ZNF385D: variants seen among roughly 807,000 people sequenced by gnomAD.
ZNF385D encodes zinc finger protein 385D, also known as zinc finger protein 659.
In ZNF385D, 15 loss-of-function variants were observed where a neutral mutation model predicts 35.8. The ratio of observed to expected loss-of-function variants is 0.42; its 90% CI spans 0.28 to 0.64. The LOEUF is 0.64. Among genes scored for constraint, ZNF385D ranks in the 30% least tolerant of loss-of-function variants. The probability of loss-of-function intolerance (pLI) is 0.23; values close to 1 mark genes in which losing one functional copy is unlikely to be tolerated. For missense variants in ZNF385D, 474 were observed against 494.6 expected, an observed-to-expected ratio of 0.96 and a Z score of 0.39; for synonymous variants, 212 against 186.8, an observed-to-expected ratio of 1.13 and a Z score of -1.10.
intron 3 of ZNF385D, among the ~76,000 whole-genome samples, chr3:21,943,534 T>C (rs552334741): frequency 6.6e-6 from 1 of 151,872 alleles, no homozygotes; most frequent in African/African-American, 2.4e-5. Flanking sequence ...GGGAAATTAG[T>C]TCATATGATA....
rs185101078 is a variant in ZNF385D, at chr3:22,214,034, C to A, written c.107-44999G>T. ...GTTCTGTGGGTCACAGTAACCCTGTCTTAGACAATGCTATGTGTTGCTGGA... is the reference window on the plus strand; with the variant it reads ...GTTCTGTGGGTCACAGTAACCCTGTATTAGACAATGCTATGTGTTGCTGGA... On this transcript the variant is annotated intron_variant, in intron 2 of 5. Transcript: ENST00000494108. Among the ~76,000 whole-genome samples the A allele has an allele frequency of 5.0e-4, 76 of 152,108 alleles. No homozygotes were observed. The East Asian group carries it at 0.012, about 24-fold the overall frequency.
intron 3 of ZNF385D, among the ~76,000 whole-genome samples, chr3:21,952,922 C>T (rs1464402226): frequency 6.6e-6 from 1 of 152,002 alleles, no homozygotes; most frequent in Non-Finnish European, 1.5e-5. Flanking sequence ...GGTCTATAAA[C>T]TCATTTCTCA....
chr3:21,674,743 C>T (rs9860048), intron 1 of ZNF385D, among the ~76,000 whole-genome samples: 31,177 of 152,022 alleles, frequency 0.21, 3,435 homozygotes, highest in East Asian at 0.29. Context: ...AGGCTTCCTT[C>T]TAGCCAACAT....
At chr3:21,806,598 T>C (rs2072661010) in intron 3 of ZNF385D, among the ~76,000 whole-genome samples, 1 of 152,204 alleles carries the variant, frequency 6.6e-6, no homozygotes, top group Admixed American at 6.5e-5. Context: ...AGAATGTCAT[T>C]CTAGAACTTC....
At chr3:21,684,386 CTCTCTCTCTCTCTCTCTCCT>C (rs1559516571) in intron 1 of ZNF385D, among the ~76,000 whole-genome samples, 3 of 86,784 alleles carry the variant, frequency 3.5e-5, no homozygotes, top group African/African-American at 1.6e-4. Context: ...CTCTCTCTCT[CTCTCTCTCTCTCTCTCTCCT>C]CTCTCTCTCT....
chr3:21,751,236 A>ACCCCCCC, upstream of ZNF385D: 1 of 1,106,934 alleles, frequency 9.0e-7, no homozygotes, highest in Non-Finnish European at 1.1e-6. Context: ...AGACCCCTCC[A>ACCCCCCC]CCCCACCCCA....
At chr3:21,464,593 G>C (rs1219231773) in intron 4 of ZNF385D, among the ~76,000 whole-genome samples, 1 of 152,038 alleles carries the variant, frequency 6.6e-6, no homozygotes, top group Non-Finnish European at 1.5e-5. Context: ...TTACGCTCTA[G>C]AATTGCAGTT....
At chr3:22,344,910 T>C (rs1369418865) in intron 2 of ZNF385D, among the ~76,000 whole-genome samples, 1 of 152,232 alleles carries the variant, frequency 6.6e-6, no homozygotes, top group Non-Finnish European at 1.5e-5. Flanking sequence ...GGGAAGATTT[T>C]GAAGAATGTA....
chr3:21,575,081 G>C (rs1294030784), intron 2 of ZNF385D, among the ~76,000 whole-genome samples: 2 of 152,128 alleles, frequency 1.3e-5, no homozygotes, highest in African/African-American at 4.8e-5. Context: ...ATGGATTTCT[G>C]TTATAAAATT....
intron 2 of ZNF385D, among the ~76,000 whole-genome samples, chr3:22,299,730 G>A (rs1217316547): frequency 6.6e-6 from 1 of 151,672 alleles, no homozygotes; most frequent in African/African-American, 2.4e-5. Flanking sequence ...ATAAAAAATA[G>A]TAAAATTCTT....
chr3:22,253,268 GAA>G (rs1700152605), intron 2 of ZNF385D, among the ~76,000 whole-genome samples: 1 of 151,862 alleles, frequency 6.6e-6, no homozygotes, highest in African/African-American at 2.4e-5. Context: ...GGTAGGATGG[GAA>G]AAAGTTAGGA....
At chr3:22,340,447 A>G (rs776095448) in intron 2 of ZNF385D, among the ~76,000 whole-genome samples, 27 of 152,144 alleles carry the variant, frequency 1.8e-4, no homozygotes, top group Non-Finnish European at 3.4e-4. Context: ...GGAGTTTCAG[A>G]CCAGCCTGGC....
chr3:21,560,166 G>A (rs1178229911), intron 3 of ZNF385D, among the ~76,000 whole-genome samples: 1 of 152,108 alleles, frequency 6.6e-6, no homozygotes, highest in Admixed American at 6.5e-5. Flanking sequence ...CTGTCAATTC[G>A]TCAAACTCAT....
chr3:22,095,448 G>C (rs574074334), intron 3 of ZNF385D, among the ~76,000 whole-genome samples: 1 of 151,738 alleles, frequency 6.6e-6, no homozygotes, highest in Admixed American at 6.6e-5. Context: ...TATCTACCTA[G>C]TTTTATTCTG....
intron 2 of ZNF385D, among the ~76,000 whole-genome samples, chr3:22,369,083 TG>T (rs1313065281): frequency 2.6e-5 from 4 of 152,174 alleles, no homozygotes; most frequent in African/African-American, 4.8e-5. Flanking sequence ...TTAGAGTCCT[TG>T]TCAGAAAACT....
chr3:21,892,692 A>G (rs1169044924), intron 3 of ZNF385D, among the ~76,000 whole-genome samples: 1 of 152,164 alleles, frequency 6.6e-6, no homozygotes, highest in Non-Finnish European at 1.5e-5. Flanking sequence ...TTTAAGAGAC[A>G]TTCACTCTCT....
At chr3:21,526,653 G>A (rs1335717283) in intron 3 of ZNF385D, among the ~76,000 whole-genome samples, 2 of 152,154 alleles carry the variant, frequency 1.3e-5, no homozygotes, top group South Asian at 2.1e-4. Flanking sequence ...AGATAGGAGG[G>A]TGTAGAAGTG....
At chr3:22,320,201 C>A (rs929520519) in intron 2 of ZNF385D, among the ~76,000 whole-genome samples, 1 of 152,104 alleles carries the variant, frequency 6.6e-6, no homozygotes, top group East Asian at 1.9e-4. Flanking sequence ...GTCCTCCAGA[C>A]AAAAGATAAC....
chr3:22,302,288 C>A lies in ZNF385D; in HGVS notation c.106+70162G>T, dbSNP rs115085801. Among the ~76,000 whole-genome samples, 1,281 of 152,024 alleles carry A rather than the reference C, an allele frequency of 8.4e-3. 11 individuals are homozygous for A. Among genetic ancestry groups the A allele is most frequent in the African/African-American group, 0.03 (1,225 of 41,520 alleles). On this transcript the variant is annotated intron_variant, in intron 2 of 5. Transcript: ENST00000494108. ...TCTTCATCAACACTTAGTATTTCCA[C>A]AGTATTAAATTTTTTATTTCCAATT...
Sources: allele counts gnomAD v4.1 joint callset (sites outside exome capture counted in the v4.1 genomes callset), GRCh38; gene constraint gnomAD v4.1.1; transcripts MANE v1.5; gene names NCBI Gene and HGNC (gene_info 2026-07-23, HGNC 2026-07-21).